SLC14A2: variants seen among roughly 807,000 people sequenced by gnomAD.
The protein encoded by SLC14A2 is urea transporter 2.
A neutral mutation model predicts 104.6 loss-of-function variants in SLC14A2; 91 were observed. The observed-to-expected ratio is 0.87, with a 90% CI of 0.73 to 1.04. SLC14A2 has a LOEUF of 1.04. Among genes scored for constraint, SLC14A2 ranks in the 50% least tolerant of loss-of-function variants. The pLI is 0.00. For synonymous variants in SLC14A2, 476 were observed against 466.4 expected (o/e 1.02, Z -0.27); for missense variants, 1,189 against 1,156.0 (o/e 1.03, Z -0.41).
chr18:45,188,674 A>G, the SLC14A2 span, among the ~76,000 whole-genome samples: 1 of 152,176 alleles, frequency 6.6e-6, no homozygotes, highest in African/African-American at 2.4e-5. Context: ...ACTGTAAGTC[A>G]AGTTCTGCAG....
At chr18:45,408,876 T>C (rs1285051474) in intron 1 of SLC14A2, among the ~76,000 whole-genome samples, 1 of 152,194 alleles carries the variant, frequency 6.6e-6, no homozygotes, top group Non-Finnish European at 1.5e-5. Flanking sequence ...ACTTTGTGTA[T>C]ATTACTTTAC....
intron 1 of SLC14A2, among the ~76,000 whole-genome samples, chr18:45,364,387 T>C (rs2085645985): frequency 6.6e-6 from 1 of 152,218 alleles, no homozygotes; most frequent in African/African-American, 2.4e-5. Context: ...TGAAGACTCT[T>C]TCTGATGGTT....
intron 1 of SLC14A2, among the ~76,000 whole-genome samples, chr18:45,331,001 T>A (rs2085284310): frequency 6.6e-6 from 1 of 152,358 alleles, no homozygotes; most frequent in Middle Eastern, 3.4e-3. Flanking sequence ...AATGGTGATA[T>A]AACATAAAAC....
At chr18:45,222,053 C>T (rs62092124) in intron 1 of SLC14A2, among the ~76,000 whole-genome samples, 17,231 of 152,034 alleles carry the variant, frequency 0.11, 988 homozygotes, top group Non-Finnish European at 0.12. Flanking sequence ...AGATGGAGAA[C>T]GTAATTTGGT....
intron 2 of SLC14A2, among the ~76,000 whole-genome samples, chr18:45,594,575 A>AGGCATCTGAACAGCAG (rs2044696177): frequency 6.6e-6 from 1 of 152,092 alleles, no homozygotes; most frequent in Non-Finnish European, 1.5e-5. Context: ...TGTGAACAAA[A>AGGCATCTGAACAGCAG]GGCATCTGAA....
At chr18:45,317,883 G>A (rs191856887) in intron 1 of SLC14A2, among the ~76,000 whole-genome samples, 10 of 152,152 alleles carry the variant, frequency 6.6e-5, no homozygotes, top group Admixed American at 2.0e-4. Flanking sequence ...CCTTTGGATC[G>A]CAGTGGGGGC....
At chr18:45,298,599 T>C (rs906247294) in intron 1 of SLC14A2, among the ~76,000 whole-genome samples, 1 of 152,216 alleles carries the variant, frequency 6.6e-6, no homozygotes, top group African/African-American at 2.4e-5. Context: ...GTAAACCTGA[T>C]CAAAGACCAT....
intron 1 of SLC14A2, among the ~76,000 whole-genome samples, chr18:45,320,964 G>A (rs575962918): frequency 1.3e-4 from 20 of 152,292 alleles, no homozygotes; most frequent in South Asian, 4.2e-4. Flanking sequence ...GAAACTATGC[G>A]ATTTCACATG....
intron 6 of SLC14A2, among the ~76,000 whole-genome samples, chr18:45,639,449 G>A (rs2045481110): frequency 6.6e-6 from 1 of 152,182 alleles, no homozygotes; most frequent in Non-Finnish European, 1.5e-5. Flanking sequence ...TTCTAGGGAG[G>A]AGGTGCATTC....
intron 2 of SLC14A2, among the ~76,000 whole-genome samples, chr18:45,510,693 C>A (rs117933153): frequency 1.3e-5 from 2 of 151,982 alleles, no homozygotes; most frequent in African/African-American, 4.8e-5. Context: ...CATAGAGATG[C>A]CCAAAGCCCC....
rs576451456 is a variant in SLC14A2 at position 45,278,511 on chromosome 18, G to C, written c.-125+65320G>C. Among the ~76,000 whole-genome samples the C allele has an allele frequency of 1.1e-4, 16 of 152,238 alleles. No individual in the cohort carries two copies. In the East Asian group the frequency reaches 2.1e-3, roughly 20 times the overall value. ...CTGGCTGAGCACCTGAGTTGGGCAG[G>C]AAATAATAAACTTGGCTCACCCATA... On this transcript the variant is annotated intron_variant, in intron 1 of 20. Coordinates refer to the SLC14A2 transcript ENST00000586448.
At chr18:45,182,961 A>G in the SLC14A2 span, among the ~76,000 whole-genome samples, 4 of 152,226 alleles carry the variant, frequency 2.6e-5, no homozygotes. Context: ...TGAGGGAATA[A>G]TTAAAACAGT....
intron 2 of SLC14A2, among the ~76,000 whole-genome samples, chr18:45,567,866 C>G (rs1457546963): frequency 6.6e-6 from 1 of 152,188 alleles, no homozygotes; most frequent in African/African-American, 2.4e-5. Context: ...GAGACCCACC[C>G]CAGGATCTTT....
intron 1 of SLC14A2, among the ~76,000 whole-genome samples, chr18:45,381,632 T>A (rs1369382685): frequency 1.3e-5 from 2 of 152,196 alleles, no homozygotes; most frequent in Non-Finnish European, 2.9e-5. Context: ...AAGCTCCTCA[T>A]AGGAATAGAC....
Position 45,656,620 on chromosome 18 carries a change from A to G in SLC14A2, c.1352-7165A>G, listed in dbSNP as rs547321091. ...TAGGAACAGTGAGAAGAGAGTGCAA[A>G]GTCATTCTGGAGAAAAATCAGTCTG... On this transcript the variant is annotated intron_variant, in intron 10 of 19. Transcript: ENST00000255226. Among the ~76,000 whole-genome samples, 5 of 152,326 alleles carry G rather than the reference A, an allele frequency of 3.3e-5. No homozygotes were observed. In the South Asian group the frequency reaches 1.0e-3, roughly 32 times the overall value.
chr18:45,352,391 C>A (rs1360233892), intron 1 of SLC14A2, among the ~76,000 whole-genome samples: 1 of 152,120 alleles, frequency 6.6e-6, no homozygotes, highest in African/African-American at 2.4e-5. Flanking sequence ...ATGACATAGT[C>A]ATTTATCCCC....
At chr18:45,611,505 C>G (rs957592787), upstream of SLC14A2, among the ~76,000 whole-genome samples, 4 of 152,184 alleles carry the variant, frequency 2.6e-5, no homozygotes, top group African/African-American at 9.7e-5. Flanking sequence ...CCAGCTTGCA[C>G]AAAGGAAGAC....
chr18:45,682,075 C>T (rs758666518), intron 19 of SLC14A2, among the ~76,000 whole-genome samples: 2 of 152,228 alleles, frequency 1.3e-5, no homozygotes, highest in African/African-American at 2.4e-5. Context: ...ATGACTTCTA[C>T]ATAAGGGCAT....
chr18:45,469,300 C>T (rs1005246517), intron 1 of SLC14A2, among the ~76,000 whole-genome samples: 5 of 152,070 alleles, frequency 3.3e-5, no homozygotes, highest in Non-Finnish European at 7.4e-5. Flanking sequence ...AAGAATTGAT[C>T]ATAAAGGAAA....
Sources: allele counts gnomAD v4.1 joint callset (sites outside exome capture counted in the v4.1 genomes callset), GRCh38; gene constraint gnomAD v4.1.1; transcripts MANE v1.5; gene names NCBI Gene and HGNC (gene_info 2026-07-23, HGNC 2026-07-21).